The following DSCAM variants were observed in gnomAD, a reference collection of about 807,000 sequenced individuals.
DSCAM encodes DS cell adhesion molecule.
A neutral mutation model predicts 217.7 loss-of-function variants in DSCAM; 47 were observed. That is an observed-to-expected ratio of 0.22 (90% confidence interval 0.17 to 0.28). The LOEUF is 0.28. DSCAM is among the 10% of genes least tolerant of loss of function. The pLI is 1.00. For synonymous variants in DSCAM, 1,056 were observed against 1,015.3 expected (o/e 1.04, Z -0.76); for missense variants, 2,080 against 2,618.3 (o/e 0.79, Z 4.49).
At chr21:40,290,587 C>G (rs1165014266) in intron 10 of DSCAM, among the ~76,000 whole-genome samples, 1 of 152,148 alleles carries the variant, frequency 6.6e-6, no homozygotes, top group African/African-American at 2.4e-5. Context: ...TGCCACTGCA[C>G]TCCAGCCTGG....
chr21:40,668,208 T>C (rs1342801381), intron 3 of DSCAM, among the ~76,000 whole-genome samples: 1 of 125,064 alleles, frequency 8.0e-6, no homozygotes, highest in Non-Finnish European at 1.8e-5. Context: ...TGTACACTAG[T>C]CCCTGCACTG....
chr21:40,681,732 C>T (rs1226548374), intron 3 of DSCAM, among the ~76,000 whole-genome samples: 2 of 152,110 alleles, frequency 1.3e-5, no homozygotes, highest in Non-Finnish European at 1.5e-5. Context: ...TGAGGTCATA[C>T]TGAAATAAGG....
At chr21:40,511,788 G>A (rs1055574117) in intron 3 of DSCAM, among the ~76,000 whole-genome samples, 1 of 151,506 alleles carries the variant, frequency 6.6e-6, no homozygotes, top group Non-Finnish European at 1.5e-5. Flanking sequence ...TCAGGAGATC[G>A]AGACCATTCT....
chr21:40,805,020 C>T (rs185161292), intron 1 of DSCAM, among the ~76,000 whole-genome samples: 9 of 152,246 alleles, frequency 5.9e-5, no homozygotes, highest in Non-Finnish European at 8.8e-5. Context: ...GCTGTCTGAA[C>T]GAGACTCTTC....
At chr21:40,551,836 G>T (rs1601737581) in intron 3 of DSCAM, among the ~76,000 whole-genome samples, 1 of 152,166 alleles carries the variant, frequency 6.6e-6, no homozygotes, top group East Asian at 1.9e-4. Flanking sequence ...AAGGCAGAGT[G>T]TATAATGAGA....
At chr21:40,342,207 T>C (rs1190462166) in intron 6 of DSCAM, among the ~76,000 whole-genome samples, 1 of 152,164 alleles carries the variant, frequency 6.6e-6, no homozygotes, top group African/African-American at 2.4e-5. Flanking sequence ...ATATAGTATC[T>C]ATGTCAGATA....
chr21:40,567,278 C>T (rs1373477645), intron 3 of DSCAM, among the ~76,000 whole-genome samples: 3 of 152,194 alleles, frequency 2.0e-5, no homozygotes, highest in Non-Finnish European at 4.4e-5. Context: ...TCTTCCACCA[C>T]CCATTAATTG....
intron 1 of DSCAM, among the ~76,000 whole-genome samples, chr21:40,842,263 G>T (rs539655227): frequency 6.6e-6 from 1 of 152,202 alleles, no homozygotes; most frequent in Non-Finnish European, 1.5e-5. Flanking sequence ...GCCCACACGC[G>T]CTTGTTTGTG....
In DSCAM at chr21:40,339,422, G is replaced by A. The variant is rs1446355557; in HGVS notation, c.1211-7C>T. On this transcript the variant is annotated splice_polypyrimidine_tract_variant and splice_region_variant and intron_variant, in intron 6 of 32. Transcript: ENST00000400454. ...ATAATTTTGGGAGTTCCATCTGCAG[G>A]AAAACAAATTATGGAAGAAAGTGGC... 1.3e-6 allele frequency: 2 copies of A among 1,589,968 alleles called. No homozygotes were observed. Among genetic ancestry groups the A allele is most frequent in the African/African-American group, 1.3e-5 (1 of 74,406 alleles).
At chr21:40,364,285 CCAA>C (rs1403514185) in intron 4 of DSCAM, among the ~76,000 whole-genome samples, 5 of 152,128 alleles carry the variant, frequency 3.3e-5, no homozygotes, top group East Asian at 1.9e-4. Context: ...ACCCAAATGC[CCAA>C]CAATGATAGA....
chr21:40,491,520 A>G (rs1412625617), intron 3 of DSCAM, among the ~76,000 whole-genome samples: 2 of 151,662 alleles, frequency 1.3e-5, no homozygotes, highest in Non-Finnish European at 2.9e-5. Context: ...CAGAAATTAG[A>G]TTCTCTGTTC....
intron 3 of DSCAM, among the ~76,000 whole-genome samples, chr21:40,570,287 C>T (rs1450565354): frequency 6.6e-6 from 1 of 152,192 alleles, no homozygotes; most frequent in African/African-American, 2.4e-5. Context: ...GCTGACCCCA[C>T]CTTCACACCA....
Position 40,169,145 on chromosome 21 carries a change from G to T in DSCAM, c.2948-1857C>A, listed in dbSNP as rs73362182. Among the ~76,000 whole-genome samples the T allele has an allele frequency of 7.6e-3, 1,162 of 152,226 alleles. 17 individuals are homozygous for T. Among genetic ancestry groups the T allele is most frequent in the African/African-American group, 0.027 (1,122 of 41,546 alleles). ...CAGGCTATGGAGTGAGTGGGGCAAA[G>T]GAACAAATACCTCTGGGATGGGAGG... On this transcript the variant is annotated intron_variant, in intron 15 of 32. Transcript: ENST00000400454.
intron 16 of DSCAM, among the ~76,000 whole-genome samples, chr21:40,166,022 T>C (rs1447785216): frequency 6.6e-6 from 1 of 152,176 alleles, no homozygotes. Flanking sequence ...CACAACTCAT[T>C]GGCTGCGGTT....
At chr21:40,362,796 T>C (rs2074782060) in intron 4 of DSCAM, among the ~76,000 whole-genome samples, 2 of 152,164 alleles carry the variant, frequency 1.3e-5, no homozygotes, top group African/African-American at 4.8e-5. Context: ...TCTTTCTTTA[T>C]ATGAAATATA....
At chr21:40,749,170 T>C (rs2091203388) in intron 1 of DSCAM, among the ~76,000 whole-genome samples, 1 of 152,148 alleles carries the variant, frequency 6.6e-6, no homozygotes, top group African/African-American at 2.4e-5. Context: ...GAGCAAGGAT[T>C]CTTTAAAGAC....
At chr21:40,659,353 GTATCTATCTATCTATC>G (rs55878811) in intron 3 of DSCAM, among the ~76,000 whole-genome samples, 4,854 of 148,460 alleles carry the variant, frequency 0.033, 127 homozygotes, top group Non-Finnish European at 0.042. Flanking sequence ...GATCAGATGA[GTATCTATCTATCTATC>G]TATCTATCTA....
intron 3 of DSCAM, among the ~76,000 whole-genome samples, chr21:40,380,812 C>T (rs2075012743): frequency 1.3e-5 from 2 of 152,038 alleles, no homozygotes; most frequent in South Asian, 4.1e-4. Context: ...GCCTGTAATC[C>T]CAGCACTTTG....
intron 10 of DSCAM, among the ~76,000 whole-genome samples, chr21:40,294,685 T>C (rs1312067602): frequency 2.0e-5 from 3 of 152,176 alleles, no homozygotes; most frequent in Non-Finnish European, 2.9e-5. Context: ...AGAAGGCAAA[T>C]GTCATGGAAA....
Sources: gnomAD v4.1 joint callset for allele counts (sites outside exome capture counted in the v4.1 genomes callset) on GRCh38, gnomAD v4.1.1 for gene constraint, MANE v1.5 for transcripts, NCBI Gene and HGNC (gene_info 2026-07-23, HGNC 2026-07-21) for gene names.